The following GALNT17 variants were observed in gnomAD, a reference collection of about 807,000 sequenced individuals.
The protein encoded by GALNT17 is polypeptide N-acetylgalactosaminyltransferase 17.
In GALNT17, 29 loss-of-function variants were observed where a neutral mutation model predicts 63.7. That is an observed-to-expected ratio of 0.46 (90% CI 0.34 to 0.62). The LOEUF is 0.62. GALNT17 is among the 20% of genes least tolerant of loss of function. The pLI is 0.01. For synonymous variants in GALNT17, 305 were observed against 318.3 expected (o/e 0.96, Z 0.45); for missense variants, 603 against 799.6 (o/e 0.75, Z 2.97).
intron 2 of GALNT17, among the ~76,000 whole-genome samples, chr7:71,365,228 C>CG (rs1792481802): frequency 6.6e-6 from 1 of 152,034 alleles, no homozygotes; most frequent in African/African-American, 2.4e-5. Context: ...CCACCACATC[C>CG]GGTCATGGAA....
chr7:71,333,783 G>A (rs1282010382), intron 1 of GALNT17, among the ~76,000 whole-genome samples: 1 of 152,174 alleles, frequency 6.6e-6, no homozygotes, highest in Non-Finnish European at 1.5e-5. Context: ...GAGCCACTGT[G>A]CCCAGCCTAT....
intron 5 of GALNT17, among the ~76,000 whole-genome samples, chr7:71,481,039 C>CT (rs1787808961): frequency 1.3e-5 from 2 of 152,248 alleles, no homozygotes. Context: ...CCTCTCTTCT[C>CT]TAAGTCTGGT....
chr7:71,135,754 A>G (rs1332583852), intron 1 of GALNT17, among the ~76,000 whole-genome samples: 1 of 151,908 alleles, frequency 6.6e-6, no homozygotes, highest in African/African-American at 2.4e-5. Context: ...AACCCATCCA[A>G]CCTCCAAAGC....
intron 7 of GALNT17, among the ~76,000 whole-genome samples, chr7:71,669,631 G>A (rs1445154988): frequency 3.4e-5 from 5 of 147,706 alleles, no homozygotes; most frequent in East Asian, 2.0e-4. Context: ...GCATGATCTC[G>A]GCTCACTGCA....
intron 1 of GALNT17, among the ~76,000 whole-genome samples, chr7:71,240,116 C>G (rs560836520): frequency 1.3e-5 from 2 of 152,228 alleles, no homozygotes; most frequent in South Asian, 4.1e-4. Flanking sequence ...AAAAGCTTGC[C>G]TAACTCTTTT....
At chr7:71,500,754 G>A (rs557951652) in intron 5 of GALNT17, among the ~76,000 whole-genome samples, 4 of 152,038 alleles carry the variant, frequency 2.6e-5, no homozygotes, top group Non-Finnish European at 5.9e-5. Flanking sequence ...TCACTGCAGG[G>A]AAGATGGGCT....
chr7:71,254,691 C>T (rs529725265), intron 1 of GALNT17, among the ~76,000 whole-genome samples: 74 of 152,192 alleles, frequency 4.9e-4, no homozygotes, highest in South Asian at 4.8e-3. Context: ...AGAAGGGGGT[C>T]CATCAATCAG....
At chr7:71,331,136 C>G (rs1488828847) in intron 1 of GALNT17, among the ~76,000 whole-genome samples, 1 of 152,194 alleles carries the variant, frequency 6.6e-6, no homozygotes, top group Non-Finnish European at 1.5e-5. Flanking sequence ...TCTGTATGCC[C>G]TGTCTTTTTG....
intron 2 of GALNT17, 52 bp downstream of exon 2, chr7:71,335,785 G>A (rs1160158844): frequency 5.7e-6 from 8 of 1,404,648 alleles, no homozygotes; most frequent in Non-Finnish European, 6.6e-6. Flanking sequence ...CAGAGTGGGT[G>A]TAGACCCCTA....
At chr7:71,336,421 CAG>C (rs2116097265) in intron 2 of GALNT17, among the ~76,000 whole-genome samples, 1 of 152,244 alleles carries the variant, frequency 6.6e-6, no homozygotes, top group Non-Finnish European at 1.5e-5. Context: ...TTGCATGTCA[CAG>C]GGGTTCAGCG....
intron 2 of GALNT17, among the ~76,000 whole-genome samples, chr7:71,377,112 A>T (rs867044500): frequency 0.019 from 1,078 of 56,468 alleles, 69 homozygotes; most frequent in African/African-American, 0.042. Context: ...AAAAATAAAA[A>T]AAATATATAT....
intron 3 of GALNT17, among the ~76,000 whole-genome samples, chr7:71,394,617 A>G (rs76530149): frequency 0.077 from 11,642 of 152,148 alleles, 549 homozygotes; most frequent in Middle Eastern, 0.18. Context: ...TTGTAGCTCC[A>G]TTGGTCCAAT....
chr7:71,634,489 C>T (rs1427538911), intron 6 of GALNT17, among the ~76,000 whole-genome samples: 1 of 152,184 alleles, frequency 6.6e-6, no homozygotes, highest in Non-Finnish European at 1.5e-5. Context: ...CACGGTGGCT[C>T]ACGCCTGTAA....
intron 6 of GALNT17, among the ~76,000 whole-genome samples, chr7:71,641,778 T>A (rs1790607662): frequency 6.6e-6 from 1 of 152,036 alleles, no homozygotes; most frequent in African/African-American, 2.4e-5. Flanking sequence ...CAAATGAATA[T>A]AGAGCACTTT....
chr7:71,350,358 A>G (rs1240151156), intron 2 of GALNT17, among the ~76,000 whole-genome samples: 1 of 152,144 alleles, frequency 6.6e-6, no homozygotes, highest in Non-Finnish European at 1.5e-5. Flanking sequence ...ACAGATGATA[A>G]ACTGGGAAAA....
At chr7:71,229,551 A>G (rs750625897) in intron 1 of GALNT17, among the ~76,000 whole-genome samples, 3 of 152,210 alleles carry the variant, frequency 2.0e-5, no homozygotes, top group Non-Finnish European at 2.9e-5. Flanking sequence ...CAAAGCAAGG[A>G]AATCTACATA....
chr7:71,661,239 C>A (rs1790903344), intron 6 of GALNT17, among the ~76,000 whole-genome samples: 1 of 152,152 alleles, frequency 6.6e-6, no homozygotes, highest in Admixed American at 6.5e-5. Flanking sequence ...GCTGCTGTCG[C>A]ATGTGGTCGG....
At chr7:71,604,555 T>C (rs1372299602) in intron 6 of GALNT17, among the ~76,000 whole-genome samples, 4 of 152,236 alleles carry the variant, frequency 2.6e-5, no homozygotes, top group African/African-American at 9.6e-5. Context: ...TGAGTCATGG[T>C]GCTTGCAACA....
chr7:71,632,404 A>G (rs1790465276), intron 6 of GALNT17, among the ~76,000 whole-genome samples: 1 of 152,162 alleles, frequency 6.6e-6, no homozygotes, highest in Non-Finnish European at 1.5e-5. Context: ...AATATTACAC[A>G]AGATCCAGCC....
Sources: allele counts gnomAD v4.1 joint callset (sites outside exome capture counted in the v4.1 genomes callset), GRCh38; gene constraint gnomAD v4.1.1; transcripts MANE v1.5; gene names NCBI Gene and HGNC (gene_info 2026-07-23, HGNC 2026-07-21).